FOXN3: variants seen among roughly 807,000 people sequenced by gnomAD.
FOXN3 encodes forkhead box protein N3.
Under a neutral mutation model 38.4 loss-of-function variants are expected in FOXN3, and 7 were observed. The ratio of observed to expected loss-of-function variants is 0.18; its 90% confidence interval spans 0.10 to 0.34. The LOEUF (loss-of-function observed/expected upper bound fraction) is 0.34. Ranked by LOEUF, FOXN3 falls within the 10% of genes least tolerant of loss-of-function variation. FOXN3 has a pLI of 1.00. For synonymous variants in FOXN3, 230 were observed against 242.2 expected, an observed-to-expected ratio of 0.95 and a Z score of 0.47; for missense variants, 456 against 613.4, an observed-to-expected ratio of 0.74 and a Z score of 2.71.
In FOXN3 at chr14:89,160,899, AAAAAAC is replaced by A. The variant is rs1043291140; in HGVS notation, c.*1509_*1514del. ...AATAACCCGAAAAAAAAACAAAAAC[AAAAAAC>A]AAAAACAAAAACAAAAAGGAAAAAA... On this transcript the variant is annotated 3_prime_UTR_variant, in exon 6 of 6. Transcript: ENST00000557258. 1.2e-4 allele frequency: 18 copies of A among 152,222 alleles called. No individual in the cohort carries two copies. Among genetic ancestry groups the A allele is most frequent in the African/African-American group, 2.9e-4 (12 of 41,348 alleles). The allele number at this position is 152,222 out of a possible 1,614,324, so 9.4% of individuals were successfully genotyped here.
At chr14:89,358,728 G>C (rs1457206917) in intron 2 of FOXN3, among the ~76,000 whole-genome samples, 3 of 152,146 alleles carry the variant, frequency 2.0e-5, no homozygotes, top group Admixed American at 6.5e-5. Flanking sequence ...TTCTGTTCTA[G>C]GCCAGTACCA....
chr14:89,575,146 A>G (rs1596322215), intron 1 of FOXN3, among the ~76,000 whole-genome samples: 1 of 152,172 alleles, frequency 6.6e-6, no homozygotes, highest in Non-Finnish European at 1.5e-5. Flanking sequence ...AACTGCAATC[A>G]TCCTTCCTCC....
At chr14:89,481,381 C>A (rs1279833235) in intron 1 of FOXN3, among the ~76,000 whole-genome samples, 2 of 151,534 alleles carry the variant, frequency 1.3e-5, no homozygotes, top group Non-Finnish European at 2.9e-5. Context: ...CTGTTGCTGG[C>A]TCTGGAAAAC....
At chr14:89,529,934 CTG>C (rs1051581285) in intron 1 of FOXN3, among the ~76,000 whole-genome samples, 1 of 140,284 alleles carries the variant, frequency 7.1e-6, no homozygotes, top group African/African-American at 2.8e-5. Context: ...ATATCTGAGA[CTG>C]TGTAATTTTT....
chr14:89,546,292 A>AT (rs1469322114), intron 1 of FOXN3, among the ~76,000 whole-genome samples: 1 of 114,474 alleles, frequency 8.7e-6, no homozygotes, highest in Non-Finnish European at 1.9e-5. Flanking sequence ...AGAGGAAATG[A>AT]TTTTTTCCCA....
chr14:89,157,136 C>T lies in FOXN3; in HGVS notation c.*5278G>A, dbSNP rs1214628612. 1 of 152,604 alleles carries T rather than the reference C, an allele frequency of 6.6e-6. No homozygotes were observed. The highest frequency in any genetic ancestry group is 1.5e-5 in the Non-Finnish European group (1 of 68,034). 9.5% of individuals were successfully genotyped at this position (152,604 alleles called of 1,614,324 possible). A position where few individuals can be genotyped will look rare whatever the true frequency, so the allele number is the denominator to read the frequency against. ...CTCGATTTCAATGCTAACAAAACAA[C>T]AGGAAGGGTACTCGTGAGCATCTCA... On this transcript the variant is annotated 3_prime_UTR_variant, in exon 6 of 6. Coordinates refer to ENST00000557258, the MANE Select transcript of FOXN3 (RefSeq NM_005197.4).
At chr14:89,262,273 G>T (rs1885832504) in intron 4 of FOXN3, among the ~76,000 whole-genome samples, 1 of 152,208 alleles carries the variant, frequency 6.6e-6, no homozygotes, top group African/African-American at 2.4e-5. Context: ...ATTCATTGAG[G>T]ATGGGGCCAG....
At chr14:89,170,112 C>T (rs924248798) in intron 5 of FOXN3, among the ~76,000 whole-genome samples, 2 of 152,226 alleles carry the variant, frequency 1.3e-5, no homozygotes, top group African/African-American at 2.4e-5. Flanking sequence ...AAAATCATTA[C>T]TCCAGATAAA....
At chr14:89,363,947 A>AATAAATATATATATATAT (rs1198064384) in intron 2 of FOXN3, among the ~76,000 whole-genome samples, 2 of 111,398 alleles carry the variant, frequency 1.8e-5, no homozygotes, top group African/African-American at 1.0e-4. Context: ...CTGTCTGTAA[A>AATAAATATATATATATAT]ATATATATAT....
chr14:89,544,147 G>A (rs1164996145), intron 1 of FOXN3, among the ~76,000 whole-genome samples: 1 of 151,776 alleles, frequency 6.6e-6, no homozygotes, highest in African/African-American at 2.4e-5. Flanking sequence ...CCAGGCTGGA[G>A]TCTCCTGCCT....
intron 2 of FOXN3, among the ~76,000 whole-genome samples, chr14:89,389,123 G>A (rs902396881): frequency 8.5e-5 from 13 of 152,116 alleles, no homozygotes; most frequent in African/African-American, 3.1e-4. Context: ...GCAGCCTGAG[G>A]GGAACTTACA....
intron 1 of FOXN3, among the ~76,000 whole-genome samples, chr14:89,498,946 T>G (rs1466969018): frequency 6.6e-6 from 1 of 152,184 alleles, no homozygotes. Context: ...TTGGGCAAAG[T>G]CTGTGGCTCA....
chr14:89,327,438 C>T (rs1399641566), intron 3 of FOXN3, among the ~76,000 whole-genome samples: 1 of 152,106 alleles, frequency 6.6e-6, no homozygotes, highest in African/African-American at 2.4e-5. Flanking sequence ...TTAAACTGGG[C>T]AGGAAACTGA....
At chr14:89,552,339 G>C (rs886592853) in intron 1 of FOXN3, among the ~76,000 whole-genome samples, 6 of 152,220 alleles carry the variant, frequency 3.9e-5, no homozygotes, top group Non-Finnish European at 7.3e-5. Flanking sequence ...GTTCACATAT[G>C]TGTCACCGTC....
chr14:89,325,369 ACCG>A (rs1190958607), intron 3 of FOXN3, among the ~76,000 whole-genome samples: 11 of 135,222 alleles, frequency 8.1e-5, no homozygotes, highest in Admixed American at 3.0e-4. Context: ...CACTACCACC[ACCG>A]CCACCACCAC....
intron 1 of FOXN3, among the ~76,000 whole-genome samples, chr14:89,544,217 A>G (rs1017850239): frequency 6.6e-6 from 1 of 151,462 alleles, no homozygotes; most frequent in East Asian, 1.9e-4. Context: ...AATTTTTTGT[A>G]TTTTTAGTAG....
intron 1 of FOXN3, among the ~76,000 whole-genome samples, chr14:89,573,353 T>C (rs951700075): frequency 5.9e-5 from 9 of 152,288 alleles, no homozygotes; most frequent in African/African-American, 1.9e-4. Flanking sequence ...TCAAAAATCA[T>C]ATATCATCAA....
chr14:89,386,794 C>T (rs1256980085), intron 2 of FOXN3, among the ~76,000 whole-genome samples: 6 of 152,170 alleles, frequency 3.9e-5, no homozygotes, highest in South Asian at 2.1e-4. Context: ...CGTGAGAAGA[C>T]GGCTGCCTTC....
At chr14:89,575,027 C>T (rs959395991) in intron 1 of FOXN3, among the ~76,000 whole-genome samples, 1 of 152,162 alleles carries the variant, frequency 6.6e-6, no homozygotes, top group Non-Finnish European at 1.5e-5. Flanking sequence ...CAGATGAGAT[C>T]AGGTAAGAAA....
Sources: allele counts gnomAD v4.1 joint callset (sites outside exome capture counted in the v4.1 genomes callset), GRCh38; gene constraint gnomAD v4.1.1; transcripts MANE v1.5; gene names NCBI Gene and HGNC (gene_info 2026-07-23, HGNC 2026-07-21).